Variants in FANK1 observed in about 807,000 individuals in gnomAD.
FANK1 encodes fibronectin type 3 and ankyrin repeat domains protein 1.
In FANK1, 44 loss-of-function variants were observed where a neutral mutation model predicts 45.3. That is an observed-to-expected ratio of 0.97 (90% CI 0.76 to 1.25). The LOEUF (loss-of-function observed/expected upper bound fraction) is 1.25, where lower values mean the gene tolerates loss of function less well. Ranked by LOEUF, FANK1 falls within the 50% of genes most tolerant of loss-of-function variation. The pLI, the probability that FANK1 is intolerant of heterozygous loss-of-function variation, is 0.00. For missense variants in FANK1, 391 were observed against 424.4 expected (o/e 0.92, Z 0.69); for synonymous variants, 149 against 152.5 (o/e 0.98, Z 0.17).
intron 1 of FANK1, among the ~76,000 whole-genome samples, chr10:125,949,054 G>A (rs1949016603): frequency 6.6e-6 from 1 of 150,628 alleles, no homozygotes; most frequent in African/African-American, 2.4e-5. Flanking sequence ...AAAAGCCTTT[G>A]ACAAAATTCA....
chr10:125,966,026 C>T (rs1950185660), intron 1 of FANK1, among the ~76,000 whole-genome samples: 1 of 152,192 alleles, frequency 6.6e-6, no homozygotes, highest in Non-Finnish European at 1.5e-5. Context: ...ACTTATCCCC[C>T]ACTTTTCCTG....
At position 125,993,783 on chromosome 10, in the gene FANK1, A is replaced by G. The variant is rs193199553; in HGVS notation, c.317-1634A>G. On this transcript the variant is annotated intron_variant, in intron 3 of 10. Coordinates refer to ENST00000368693, the MANE Select transcript of FANK1 (RefSeq NM_145235.5). ...ATGTGTAGAATGATGAAAAGGAAGT[A>G]TAATGTAGCTAAAAAAAGTCTGTAA... Among the ~76,000 whole-genome samples the G allele has an allele frequency of 3.6e-3, 552 of 152,352 alleles. 5 individuals carry two copies. The highest frequency in any genetic ancestry group is 0.013 in the African/African-American group (530 of 41,578).
intron 1 of FANK1, chr10:125,973,564 T>A (rs1950652205): frequency 1.5e-6 from 1 of 685,644 alleles, no homozygotes; most frequent in South Asian, 6.6e-5. Context: ...TGAAATTGGT[T>A]TCTCTAAGAA....
intron 1 of FANK1, among the ~76,000 whole-genome samples, chr10:125,909,029 A>G (rs1270366321): frequency 2.6e-5 from 4 of 152,390 alleles, no homozygotes; most frequent in Non-Finnish European, 2.9e-5. Flanking sequence ...AGGGCATCCA[A>G]TTTCAAGACG....
chr10:125,995,507 A>ACC lies in FANK1; in HGVS notation c.398+10_398+11insCC. ...CGAATACTTCAAGGAGGGTGAGAGA[A>ACC]CTCTGTCAGTTGTTTTTTTTCCCCC... On this transcript the variant is annotated intron_variant, in intron 4 of 10. Transcript: ENST00000368693. The ACC allele has an allele frequency of 6.2e-7, 1 of 1,613,666 alleles. No individual in the cohort carries two copies. Among genetic ancestry groups the ACC allele is most frequent in the Non-Finnish European group, 8.5e-7 (1 of 1,179,700 alleles).
intron 1 of FANK1, among the ~76,000 whole-genome samples, chr10:125,956,213 CG>C (rs1238830760): frequency 2.6e-5 from 1 of 38,272 alleles, no homozygotes; most frequent in African/African-American, 1.0e-4. Flanking sequence ...GGGGGGGGGG[CG>C]GTGGTGGGGG....
chr10:126,004,159 TTAAA>T (rs1314716312), intron 6 of FANK1: 2 of 84,726 alleles, frequency 2.4e-5, no homozygotes, highest in Non-Finnish European at 5.7e-5. Flanking sequence ...CATTTTATCC[TTAAA>T]AAAAAAAAAA....
chr10:125,957,917 A>T (rs968137873), intron 1 of FANK1, among the ~76,000 whole-genome samples: 4 of 152,038 alleles, frequency 2.6e-5, no homozygotes, highest in African/African-American at 9.7e-5. Flanking sequence ...TATTTAAAAA[A>T]TTGGTTTCTT....
At chr10:125,910,434 C>T (rs1945898926) in intron 1 of FANK1, among the ~76,000 whole-genome samples, 1 of 152,034 alleles carries the variant, frequency 6.6e-6, no homozygotes. Context: ...CTTGCAATGC[C>T]ACCACCCTCT....
Position 125,980,416 on chromosome 10 carries a change from G to T in FANK1, c.191+78G>T, listed in dbSNP as rs528559277. The T allele has an allele frequency of 2.8e-6, 4 of 1,433,936 alleles. No homozygotes were observed. In the East Asian group the frequency reaches 6.9e-5, roughly 25 times the overall value. The allele number at this position is 1,433,936 out of a possible 1,614,324, so 88.8% of individuals were successfully genotyped here. On this transcript the variant is annotated intron_variant, in intron 2 of 10. Coordinates refer to ENST00000368693, the MANE Select transcript of FANK1 (RefSeq NM_145235.5). ...GAATGATTTCTGTTGTCTCTAAAAA[G>T]CCACTGCTTGTTTCAAATTAAAGAA...
intron 2 of FANK1, among the ~76,000 whole-genome samples, chr10:125,987,978 C>T (rs1323837298): frequency 6.6e-6 from 1 of 152,182 alleles, no homozygotes; most frequent in Non-Finnish European, 1.5e-5. Flanking sequence ...ATCCATTTCC[C>T]ACAAACATTC....
chr10:125,974,003 C>A (rs934656697), intron 1 of FANK1, among the ~76,000 whole-genome samples: 3 of 152,126 alleles, frequency 2.0e-5, no homozygotes, highest in African/African-American at 7.2e-5. Flanking sequence ...CAGCTAATTT[C>A]TTTTAGTTGT....
Position 125,970,162 on chromosome 10 carries a change from G to A in FANK1, c.14-9999G>A, listed in dbSNP as rs11244736. Among the ~76,000 whole-genome samples, 7 of 151,866 alleles carry A rather than the reference G, an allele frequency of 4.6e-5. No individual in the cohort carries two copies. In the South Asian group the frequency reaches 8.3e-4, roughly 18 times the overall value. On this transcript the variant is annotated intron_variant, in intron 1 of 10. Transcript: ENST00000368693. The stretch of plus-strand genomic sequence containing the variant: ...GGGTACACCTCCCAGACGGGGTGGC[G>A]GCCGGGCAGAGGGGCTTCTCACTTC...
intron 3 of FANK1, among the ~76,000 whole-genome samples, chr10:125,991,101 T>G (rs1266877340): frequency 1.3e-5 from 2 of 152,230 alleles, no homozygotes; most frequent in Non-Finnish European, 2.9e-5. Flanking sequence ...AGGCTGTGCC[T>G]GTGGGCCAGA....
In FANK1 at chr10:125,964,186, C is replaced by CTTT. The variant is rs71486557; in HGVS notation, c.14-15953_14-15951dup. Among the ~76,000 whole-genome samples the CTTT allele has an allele frequency of 4.4e-3, 347 of 78,436 alleles. 3 individuals are homozygous for CTTT. The highest frequency in any genetic ancestry group is 8.3e-3 in the African/African-American group (153 of 18,426). 51.5% of individuals were successfully genotyped at this position (78,436 alleles called of 152,430 possible). A position where few individuals can be genotyped will look rare whatever the true frequency, so the allele number is the denominator to read the frequency against. On this transcript the variant is annotated intron_variant, in intron 1 of 10. Transcript: ENST00000368693. ...ATGTAGATTATATCATTCTCTCTCT[C>CTTT]TTTTTTTTTTTTTTTTTTTTTTTTG...
chr10:125,909,686 CTTT>C (rs34854157), intron 1 of FANK1, among the ~76,000 whole-genome samples: 10 of 103,264 alleles, frequency 9.7e-5, no homozygotes, highest in Middle Eastern at 5.4e-3. Flanking sequence ...GACCAATTAA[CTTT>C]TTTTTTTTTT....
In FANK1 at chr10:125,988,694, C is replaced by T. The variant is rs1271010732; in HGVS notation, c.316+19C>T. 6.2e-7 allele frequency: 1 copy of T among 1,614,174 alleles called. No homozygotes were observed. ...ACAACCAGTGAGTATTCAGACCGTC[C>T]ACACTCACCTCTCTCTAGATCAATG... On this transcript the variant is annotated intron_variant, in intron 3 of 10. Transcript: ENST00000368693.
At chr10:125,918,823 CTT>C (rs1350352720) in intron 1 of FANK1, among the ~76,000 whole-genome samples, 3 of 151,734 alleles carry the variant, frequency 2.0e-5, no homozygotes, top group Admixed American at 1.3e-4. Flanking sequence ...TTCATGCACT[CTT>C]TATGCCCTAG....
chr10:125,976,468 C>T (rs1554939622), intron 1 of FANK1, among the ~76,000 whole-genome samples: 1 of 152,148 alleles, frequency 6.6e-6, no homozygotes, highest in Non-Finnish European at 1.5e-5. Context: ...GATTTGGCCT[C>T]TTTACATAAT....
Sources: allele counts gnomAD v4.1 joint callset (sites outside exome capture counted in the v4.1 genomes callset), GRCh38; gene constraint gnomAD v4.1.1; transcripts MANE v1.5; gene names NCBI Gene and HGNC (gene_info 2026-07-23, HGNC 2026-07-21).